The following SNX29 variants were observed in gnomAD, a reference collection of about 807,000 sequenced individuals.
SNX29 encodes sorting nexin 29, also known as sorting nexin-29.
A neutral mutation model predicts 102.1 loss-of-function variants in SNX29; 78 were observed. That is an observed-to-expected ratio of 0.76 (90% CI 0.64 to 0.92). The LOEUF is 0.92. SNX29 is among the 40% of genes least tolerant of loss of function. The pLI, the probability that SNX29 is intolerant of heterozygous loss-of-function variation, is 0.00. For missense variants in SNX29, 1,280 were observed against 1,061.7 expected (o/e 1.21, Z -2.86); for synonymous variants, 580 against 414.5 (o/e 1.40, Z -4.85).
chr16:12,511,612 G>A (rs557405731), intron 19 of SNX29, among the ~76,000 whole-genome samples: 3 of 152,186 alleles, frequency 2.0e-5, no homozygotes, highest in African/African-American at 4.8e-5. Flanking sequence ...TTTTGATTTA[G>A]GCACATCGTC....
intron 4 of SNX29, 115 bp from the exon 5 acceptor site, chr16:12,042,782 T>C: frequency 9.4e-7 from 1 of 1,065,134 alleles, no homozygotes; most frequent in Non-Finnish European, 1.4e-6. Flanking sequence ...ACCTTTTCCA[T>C]GCTAAGGGGA....
Position 12,061,558 on chromosome 16 carries a change from G to C in SNX29, c.1155G>C (p.Gln385His). ...TGGAAGGGAACACCTGCCTCTCCCA[G>C]ATGCACAGCTGGGCTCCGCTGAAGG... ...KPLEGNTCLS[Q>H]MHSWAPLKVL... The change falls in exon 9 of 21, where the codon CAG (glutamine) becomes CAC (histidine). Residue 385 changes from glutamine to histidine, a missense_variant. Gln to His is a conservative substitution (Grantham distance 24, BLOSUM62 0). Coordinates refer to ENST00000566228, the MANE Select transcript of SNX29 (RefSeq NM_032167.5). 2 of 1,609,618 alleles carry C rather than the reference G, an allele frequency of 1.2e-6. No individual in the cohort carries two copies. The highest frequency in any genetic ancestry group is 2.2e-5 in the East Asian group (1 of 44,846).
chr16:12,248,872 T>C (rs1361256305), intron 14 of SNX29, among the ~76,000 whole-genome samples: 1 of 152,036 alleles, frequency 6.6e-6, no homozygotes, highest in Non-Finnish European at 1.5e-5. Context: ...TCTAAGCTCC[T>C]TAAGAGTAAG....
At chr16:12,461,671 G>A (rs2086779932) in intron 18 of SNX29, among the ~76,000 whole-genome samples, 1 of 151,730 alleles carries the variant, frequency 6.6e-6, no homozygotes, top group Admixed American at 6.6e-5. Flanking sequence ...AAAATATTCA[G>A]GCTGGCCAGG....
chr16:12,271,141 A>C (rs2079080943), intron 14 of SNX29, among the ~76,000 whole-genome samples: 1 of 152,282 alleles, frequency 6.6e-6, no homozygotes, highest in African/African-American at 2.4e-5. Context: ...ATTACCTCAC[A>C]GTTAGATGGC....
At chr16:12,553,736 T>TGCC (rs928406941) in intron 20 of SNX29, among the ~76,000 whole-genome samples, 3 of 151,734 alleles carry the variant, frequency 2.0e-5, no homozygotes, top group Non-Finnish European at 4.4e-5. Context: ...TATATGCACA[T>TGCC]GCCACCACCC....
At chr16:12,176,445 T>C (rs2076262932) in intron 13 of SNX29, among the ~76,000 whole-genome samples, 1 of 152,226 alleles carries the variant, frequency 6.6e-6, no homozygotes, top group Non-Finnish European at 1.5e-5. Context: ...CTGTGGGTTT[T>C]ACATCCATAG....
intron 13 of SNX29, among the ~76,000 whole-genome samples, chr16:12,149,799 A>G (rs1017062872): frequency 6.6e-6 from 1 of 152,198 alleles, no homozygotes; most frequent in African/African-American, 2.4e-5. Context: ...GTTCTATATC[A>G]TCCTATGATC....
At chr16:12,534,758 T>C (rs923404571) in intron 20 of SNX29, among the ~76,000 whole-genome samples, 1 of 152,212 alleles carries the variant, frequency 6.6e-6, no homozygotes, top group Non-Finnish European at 1.5e-5. Flanking sequence ...AGTGGCTTTC[T>C]TTCTGCGTCT....
chr16:12,139,048 A>C (rs1241670673), intron 13 of SNX29, among the ~76,000 whole-genome samples: 1 of 152,046 alleles, frequency 6.6e-6, no homozygotes, highest in African/African-American at 2.4e-5. Flanking sequence ...CCAAAAATAC[A>C]AAAATTAGCT....
At chr16:12,476,383 AAT>A (rs1567603099) in intron 18 of SNX29, among the ~76,000 whole-genome samples, 281 of 9,480 alleles carry the variant, frequency 0.03, 12 homozygotes, top group Non-Finnish European at 0.031. Flanking sequence ...AAAAAAAAAA[AAT>A]ATATATATAT....
chr16:12,291,311 A>T (rs556116811), intron 15 of SNX29, among the ~76,000 whole-genome samples: 1 of 152,322 alleles, frequency 6.6e-6, no homozygotes, highest in South Asian at 2.1e-4. Context: ...GGAGCAAGTC[A>T]TGTCTAACAT....
At chr16:12,455,200 C>G (rs1306401617) in intron 18 of SNX29, among the ~76,000 whole-genome samples, 1 of 152,158 alleles carries the variant, frequency 6.6e-6, no homozygotes, top group East Asian at 1.9e-4. Context: ...CCAAGACGCC[C>G]TTCTCCTTGG....
intron 1 of SNX29, among the ~76,000 whole-genome samples, chr16:11,981,499 T>C (rs1389715073): frequency 6.6e-6 from 1 of 152,220 alleles, no homozygotes; most frequent in Non-Finnish European, 1.5e-5. Context: ...GCATTTGTTG[T>C]TGAAGGAAAC....
chr16:12,157,777 C>T (rs1212717958), intron 13 of SNX29, among the ~76,000 whole-genome samples: 2 of 152,188 alleles, frequency 1.3e-5, no homozygotes, highest in African/African-American at 4.8e-5. Context: ...CTATTCCCTA[C>T]ACTATGAAGT....
Position 12,570,503 on chromosome 16 carries a change from T to G in SNX29, c.*1874T>G, listed in dbSNP as rs1198596820. On this transcript the variant is annotated 3_prime_UTR_variant, in exon 21 of 21. Transcript: ENST00000566228. ...TGCTGTATGTCATGACCCCTTAGGT[T>G]GGGTTTATGCCACATCGGTCATTTT... The G allele has an allele frequency of 1.3e-5, 3 of 232,856 alleles. No individual in the cohort carries two copies. Among genetic ancestry groups the G allele is most frequent in the Admixed American group, 5.6e-5 (1 of 17,756 alleles). The allele number at this position is 232,856 out of a possible 1,614,324, so 14.4% of individuals were successfully genotyped here.
chr16:12,162,873 A>G (rs1384361352), intron 13 of SNX29, among the ~76,000 whole-genome samples: 2 of 151,474 alleles, frequency 1.3e-5, no homozygotes, highest in African/African-American at 4.9e-5. Flanking sequence ...CACACAACAT[A>G]GTTGTTGCTT....
intron 20 of SNX29, among the ~76,000 whole-genome samples, chr16:12,560,300 C>G (rs1195782698): frequency 6.6e-6 from 1 of 152,138 alleles, no homozygotes; most frequent in Non-Finnish European, 1.5e-5. Flanking sequence ...TGAAAGCACA[C>G]TCAAAATGTC....
chr16:12,475,431 T>A (rs528820124), intron 18 of SNX29, among the ~76,000 whole-genome samples: 1 of 152,378 alleles, frequency 6.6e-6, no homozygotes, highest in South Asian at 2.1e-4. Flanking sequence ...AAAATACTTG[T>A]AGCTTTGCAG....
Sources: allele counts gnomAD v4.1 joint callset (sites outside exome capture counted in the v4.1 genomes callset), GRCh38; gene constraint gnomAD v4.1.1; transcripts MANE v1.5; gene names NCBI Gene and HGNC (gene_info 2026-07-23, HGNC 2026-07-21).